Variants in SH3GL2 observed in about 807,000 individuals in gnomAD.
SH3GL2 encodes the protein endophilin-A1.
Under a neutral mutation model 46.0 loss-of-function variants are expected in SH3GL2, and 24 were observed. The ratio of observed to expected loss-of-function variants is 0.52; its 90% confidence interval spans 0.38 to 0.73. SH3GL2 has a LOEUF of 0.73. SH3GL2 is among the 30% of genes least tolerant of loss of function. SH3GL2 has a pLI of 0.00. For synonymous variants in SH3GL2, 196 were observed against 147.1 expected (o/e 1.33, Z -2.40); for missense variants, 413 against 424.2 (o/e 0.97, Z 0.23).
At chr9:17,733,544 T>C (rs1250327779) in intron 1 of SH3GL2, among the ~76,000 whole-genome samples, 7 of 150,686 alleles carry the variant, frequency 4.6e-5, no homozygotes, top group Admixed American at 2.0e-4. Flanking sequence ...AGTTCAACCA[T>C]TGTGGAAGTC....
rs574634043 is a variant in SH3GL2, at chr9:17,711,450, A to G, written c.46-35616A>G. Among the ~76,000 whole-genome samples the G allele has an allele frequency of 3.8e-4, 57 of 151,968 alleles. 3 individuals are homozygous for G. The South Asian group carries it at 9.3e-3, about 25-fold the overall frequency. On this transcript the variant is annotated intron_variant, in intron 1 of 8. Coordinates refer to ENST00000380607, the MANE Select transcript of SH3GL2 (RefSeq NM_003026.5). ...TCCATTACTTTCTCAACAGAACCCAATGCTTTCTCAAATCCCTTGGTAATT... is the reference window on the plus strand; with the variant it reads ...TCCATTACTTTCTCAACAGAACCCAGTGCTTTCTCAAATCCCTTGGTAATT...
chr9:17,666,484 T>C (rs1362413879), intron 1 of SH3GL2, among the ~76,000 whole-genome samples: 1 of 151,956 alleles, frequency 6.6e-6, no homozygotes, highest in Admixed American at 6.6e-5. Flanking sequence ...CTTGTATTTC[T>C]TTTGCAAAAA....
chr9:17,789,168 A>G (rs1359073170), intron 5 of SH3GL2, among the ~76,000 whole-genome samples: 2 of 152,170 alleles, frequency 1.3e-5, no homozygotes, highest in Admixed American at 1.3e-4. Flanking sequence ...TATTTCCTAT[A>G]ATTTATCTTT....
intron 1 of SH3GL2, among the ~76,000 whole-genome samples, chr9:17,635,480 G>A (rs1819522831): frequency 6.6e-6 from 1 of 152,192 alleles, no homozygotes; most frequent in Admixed American, 6.5e-5. Flanking sequence ...AGAAAGGTGT[G>A]GTGAGTTGAG....
chr9:17,789,689 A>G (rs1458885222), intron 6 of SH3GL2, 139 bp downstream of exon 6: 1 of 1,417,008 alleles, frequency 7.1e-7, no homozygotes, highest in East Asian at 2.6e-5. Context: ...ATTTATTTTA[A>G]ATAATTGTCA....
intron 1 of SH3GL2, among the ~76,000 whole-genome samples, chr9:17,738,247 T>C (rs1338891944): frequency 6.6e-6 from 1 of 151,958 alleles, no homozygotes; most frequent in African/African-American, 2.4e-5. Context: ...TTGTCTCTTT[T>C]TTTCTGAAGA....
At chr9:17,636,559 G>A (rs1294034598) in intron 1 of SH3GL2, among the ~76,000 whole-genome samples, 1 of 152,110 alleles carries the variant, frequency 6.6e-6, no homozygotes, top group Admixed American at 6.5e-5. Flanking sequence ...CAGCAGTGTT[G>A]CTGTTTTGAT....
At chr9:17,587,587 T>A (rs1477132776) in intron 1 of SH3GL2, among the ~76,000 whole-genome samples, 1 of 152,098 alleles carries the variant, frequency 6.6e-6, no homozygotes, top group Admixed American at 6.5e-5. Context: ...ATAAACTTAG[T>A]AGGCTTCTGG....
chr9:17,733,391 G>A (rs1588283918), intron 1 of SH3GL2, among the ~76,000 whole-genome samples: 1 of 151,744 alleles, frequency 6.6e-6, no homozygotes, highest in Admixed American at 6.6e-5. Flanking sequence ...TTGTCATCTA[G>A]CATTAGGTAT....
intron 1 of SH3GL2, among the ~76,000 whole-genome samples, chr9:17,661,867 T>C (rs1022759243): frequency 2.6e-5 from 4 of 152,210 alleles, no homozygotes; most frequent in Non-Finnish European, 5.9e-5. Flanking sequence ...TGAGCCTCAC[T>C]TTCATTGAAT....
chr9:17,787,129 G>T (rs1335517774), intron 4 of SH3GL2, among the ~76,000 whole-genome samples: 2 of 152,180 alleles, frequency 1.3e-5, no homozygotes, highest in Non-Finnish European at 2.9e-5. Context: ...ACTTACAAGA[G>T]AGGGCAGGGA....
intron 1 of SH3GL2, among the ~76,000 whole-genome samples, chr9:17,742,841 A>T (rs1324593256): frequency 6.6e-6 from 1 of 152,142 alleles, no homozygotes; most frequent in Admixed American, 6.5e-5. Flanking sequence ...AGTTGTTTTT[A>T]GGAGTTGTTT....
At chr9:17,704,835 A>G (rs929349469) in intron 1 of SH3GL2, among the ~76,000 whole-genome samples, 1 of 152,138 alleles carries the variant, frequency 6.6e-6, no homozygotes, top group Non-Finnish European at 1.5e-5. Flanking sequence ...AAAATCCTGG[A>G]AGGATAACCT....
chr9:17,604,560 C>G (rs563857276), intron 1 of SH3GL2, among the ~76,000 whole-genome samples: 2 of 152,260 alleles, frequency 1.3e-5, no homozygotes, highest in East Asian at 1.9e-4. Context: ...AGTTCTCTGT[C>G]CTTAGCCATG....
chr9:17,756,116 G>A (rs1822982055), intron 2 of SH3GL2, among the ~76,000 whole-genome samples: 1 of 152,100 alleles, frequency 6.6e-6, no homozygotes, highest in South Asian at 2.1e-4. Flanking sequence ...GCGTTTAAAT[G>A]AATAAGTATG....
chr9:17,587,529 C>T (rs114369064), intron 1 of SH3GL2, among the ~76,000 whole-genome samples: 2 of 152,286 alleles, frequency 1.3e-5, no homozygotes, highest in African/African-American at 4.8e-5. Flanking sequence ...GTTTTACAGT[C>T]ATAGGGTTTT....
intron 1 of SH3GL2, among the ~76,000 whole-genome samples, chr9:17,685,624 A>C (rs1435319525): frequency 6.6e-6 from 1 of 152,190 alleles, no homozygotes; most frequent in Non-Finnish European, 1.5e-5. Flanking sequence ...TGATTTTTGT[A>C]TAAGGTGTGA....
chr9:17,677,173 A>AT (rs5896755), intron 1 of SH3GL2, among the ~76,000 whole-genome samples: 12 of 151,530 alleles, frequency 7.9e-5, no homozygotes, highest in South Asian at 2.1e-4. Flanking sequence ...TTTGAAAAAC[A>AT]TTTTTTTTTC....
chr9:17,612,483 A>G (rs928668802), intron 1 of SH3GL2, among the ~76,000 whole-genome samples: 3 of 152,168 alleles, frequency 2.0e-5, no homozygotes, highest in Non-Finnish European at 2.9e-5. Context: ...TCTTATGTAC[A>G]TTAAGTTTGC....
Sources: gnomAD v4.1 joint callset for allele counts (sites outside exome capture counted in the v4.1 genomes callset) on GRCh38, gnomAD v4.1.1 for gene constraint, MANE v1.5 for transcripts, NCBI Gene and HGNC (gene_info 2026-07-23, HGNC 2026-07-21) for gene names.